CEP135: variants seen among roughly 807,000 people sequenced by gnomAD.
The protein encoded by CEP135 is centrosomal protein 135, also known as centrosomal protein of 135 kDa.
Under a neutral mutation model 157.3 loss-of-function variants are expected in CEP135, and 142 were observed. That is an observed-to-expected ratio of 0.90 (90% confidence interval 0.79 to 1.04). CEP135 has a LOEUF of 1.04. CEP135 is among the 50% of genes least tolerant of loss of function. The pLI is 0.00. For synonymous variants in CEP135, 396 were observed against 439.8 expected (o/e 0.90, Z 1.25); for missense variants, 1,317 against 1,309.2 (o/e 1.01, Z -0.09).
At chr4:56,011,341 T>G in intron 19 of CEP135, 71 bp from the exon 20 acceptor site, 2 of 1,010,806 alleles carry the variant, frequency 2.0e-6, no homozygotes, top group Non-Finnish European at 3.0e-6. Context: ...CCAAAGGAAT[T>G]ATTTGAATAT....
chr4:55,961,361 G>C (rs1473592095), intron 6 of CEP135, among the ~76,000 whole-genome samples: 1 of 152,082 alleles, frequency 6.6e-6, no homozygotes, highest in Non-Finnish European at 1.5e-5. Context: ...AATCTTAGTT[G>C]AGCTTACTCT....
chr4:55,999,392 A>T lies in CEP135; in HGVS notation c.2100A>T (p.Gln700His). ...GTGAACTTGAATCAGCCCAAGCACA[A>T]ATTAAAATACTGGAGGAAAAGATAG... ...KRGELESAQAQIKILEEKIDE... is the reference protein window; with the variant it reads ...KRGELESAQAHIKILEEKIDE... Residue 700 changes from glutamine to histidine, a missense_variant, in exon 16 of 26, where the codon CAA becomes CAT. Physicochemically the swap from Gln to His is conservative, Grantham distance 24. Coordinates refer to ENST00000257287, the MANE Select transcript of CEP135 (RefSeq NM_025009.5). 6.2e-7 allele frequency: 1 copy of T among 1,614,160 alleles called. No homozygotes were observed.
In CEP135 at chr4:56,033,171, T is replaced by G. The variant is rs1200121691; in HGVS notation, c.*1823T>G. ...AGACATATTTTGTTAGATATTTTAT[T>G]TTTAATGTTTTCTATAATTTAAAAA... On this transcript the variant is annotated 3_prime_UTR_variant, in exon 26 of 26. Transcript: ENST00000257287. The G allele has an allele frequency of 6.6e-6, 1 of 152,142 alleles. No homozygotes were observed. Among genetic ancestry groups the G allele is most frequent in the Non-Finnish European group, 1.5e-5 (1 of 68,012 alleles). The allele number at this position is 152,142 out of a possible 1,614,324, so 9.4% of individuals were successfully genotyped here.
At chr4:56,006,880 G>A (rs1730364524) in intron 17 of CEP135, among the ~76,000 whole-genome samples, 1 of 151,956 alleles carries the variant, frequency 6.6e-6, no homozygotes, top group Admixed American at 6.6e-5. Context: ...TGTCTGGCTT[G>A]TTTTTTGTTG....
intron 11 of CEP135, among the ~76,000 whole-genome samples, chr4:55,976,884 A>C (rs1367710964): frequency 6.6e-6 from 1 of 152,156 alleles, no homozygotes; most frequent in Non-Finnish European, 1.5e-5. Flanking sequence ...ATCTTGTCTC[A>C]CAGCAACATC....
At chr4:55,967,408 C>G (rs1268700528) in intron 8 of CEP135, among the ~76,000 whole-genome samples, 1 of 152,084 alleles carries the variant, frequency 6.6e-6, no homozygotes, top group Non-Finnish European at 1.5e-5. Flanking sequence ...TGATCTGGTA[C>G]TCTAAAAGTT....
chr4:55,963,669 C>A (rs1440832929), intron 6 of CEP135, among the ~76,000 whole-genome samples: 1 of 152,170 alleles, frequency 6.6e-6, no homozygotes, highest in Admixed American at 6.5e-5. Context: ...TTGCTCAAAC[C>A]CGGGAGGCAG....
intron 18 of CEP135, 64 bp downstream of exon 18, chr4:56,008,446 A>G: frequency 1.4e-5 from 17 of 1,205,302 alleles, no homozygotes; most frequent in African/African-American, 3.0e-5. Flanking sequence ...AGCTTTATCT[A>G]TTCAGTAGCA....
At chr4:56,028,420 C>G (rs530832101) in intron 25 of CEP135, among the ~76,000 whole-genome samples, 6 of 152,286 alleles carry the variant, frequency 3.9e-5, no homozygotes, top group African/African-American at 1.2e-4. Flanking sequence ...CTAGTACATG[C>G]AGATTAGAAA....
intron 21 of CEP135, among the ~76,000 whole-genome samples, chr4:56,015,646 C>A (rs1318838723): frequency 6.6e-6 from 1 of 152,182 alleles, no homozygotes; most frequent in Non-Finnish European, 1.5e-5. Context: ...TTTATTTTCT[C>A]CCTTTTACAG....
At chr4:55,987,392 T>G (rs1229121212) in intron 14 of CEP135, among the ~76,000 whole-genome samples, 1 of 152,208 alleles carries the variant, frequency 6.6e-6, no homozygotes, top group Non-Finnish European at 1.5e-5. Flanking sequence ...CTCTAATACC[T>G]GTCCTGCAAA....
intron 1 of CEP135, 28 bp downstream of exon 1, chr4:55,949,087 C>T (rs996871832): frequency 4.7e-4 from 72 of 153,004 alleles, no homozygotes; most frequent in Non-Finnish European, 8.7e-4. Flanking sequence ...AGCCAGAGGG[C>T]CAGCTGCGGC....
chr4:55,990,517 ACAGAGT>A (rs1370024973), intron 14 of CEP135, among the ~76,000 whole-genome samples: 1 of 152,154 alleles, frequency 6.6e-6, no homozygotes, highest in African/African-American at 2.4e-5. Context: ...TTTTAAAGAG[ACAGAGT>A]CTTGCTCTGT....
At chr4:55,981,013 G>A (rs539062157) in intron 12 of CEP135, among the ~76,000 whole-genome samples, 2 of 152,178 alleles carry the variant, frequency 1.3e-5, no homozygotes, top group South Asian at 2.1e-4. Flanking sequence ...CTGCTGTCTA[G>A]TTTCCAACAT....
At chr4:55,972,145 A>G (rs1458221211) in intron 10 of CEP135, among the ~76,000 whole-genome samples, 1 of 151,994 alleles carries the variant, frequency 6.6e-6, no homozygotes, top group African/African-American at 2.4e-5. Context: ...ATGAGATTCC[A>G]TCTCCAAAAA....
At chr4:55,985,659 T>C (rs1267099054) in intron 14 of CEP135, among the ~76,000 whole-genome samples, 2 of 152,160 alleles carry the variant, frequency 1.3e-5, no homozygotes, top group Non-Finnish European at 2.9e-5. Context: ...GGTTTCACCA[T>C]GTTGGCCAGG....
chr4:55,960,272 G>GA (rs1728636405), intron 6 of CEP135: 2 of 154,654 alleles, frequency 1.3e-5, no homozygotes, highest in South Asian at 4.1e-4. Flanking sequence ...CAGTCTCTTA[G>GA]AAAGTTACTC....
Position 55,956,147 on chromosome 4 carries a change from A to G in CEP135, c.473-1076A>G, listed in dbSNP as rs187744429. Among the ~76,000 whole-genome samples, 331 of 152,288 alleles carry G rather than the reference A, an allele frequency of 2.2e-3. 2 individuals are homozygous for G. The highest frequency in any genetic ancestry group is 7.5e-3 in the African/African-American group (313 of 41,556). ...GTTCAGGTGTGTGAACAAACAGGTC[A>G]TTTAAATACTTTTGGCCCAGTTTTC... On this transcript the variant is annotated intron_variant, in intron 4 of 25. Transcript: ENST00000257287.
chr4:55,949,495 T>C (rs760459207), intron 1 of CEP135, among the ~76,000 whole-genome samples: 15 of 152,210 alleles, frequency 9.9e-5, no homozygotes, highest in Non-Finnish European at 2.1e-4. Flanking sequence ...CTTTGAAGCC[T>C]CTCCACTGCT....
Sources: gnomAD v4.1 joint callset for allele counts (sites outside exome capture counted in the v4.1 genomes callset) on GRCh38, gnomAD v4.1.1 for gene constraint, MANE v1.5 for transcripts, NCBI Gene and HGNC (gene_info 2026-07-23, HGNC 2026-07-21) for gene names.